NBPF15: variants seen among roughly 807,000 people sequenced by gnomAD.
The protein encoded by NBPF15 is NBPF member 15, also known as NBPF family member NBPF15.
In NBPF15, 74 loss-of-function variants were observed where a neutral mutation model predicts 62.2. The ratio of observed to expected loss-of-function variants is 1.19; its 90% CI spans 0.99 to 1.44. The LOEUF is 1.44. Among genes scored for constraint, NBPF15 ranks in the 40% most tolerant of loss-of-function variants. The pLI, the probability that NBPF15 is intolerant of heterozygous loss-of-function variation, is 0.00. For synonymous variants in NBPF15, 244 were observed against 209.7 expected (o/e 1.16, Z -1.41); for missense variants, 790 against 550.0 (o/e 1.44, Z -4.36).
intron 14 of NBPF15, among the ~76,000 whole-genome samples, chr1:144,428,881 T>C (rs1457752227): frequency 3.3e-5 from 5 of 152,020 alleles, no homozygotes; most frequent in African/African-American, 1.2e-4. Context: ...AATGTTATCT[T>C]CCCTATGTGC....
At chr1:144,433,462 A>C (rs1254970960) in intron 13 of NBPF15, among the ~76,000 whole-genome samples, 23 of 149,224 alleles carry the variant, frequency 1.5e-4, no homozygotes, top group South Asian at 4.3e-4. Context: ...GAGCAGAACT[A>C]AAGGAGATAG....
rs1179806638 is a variant in NBPF15, at chr1:144,425,554, G to T, written c.1453C>A (p.Gln485Lys). ...GGGCCTTGGTCTTCTTCCTCTTCTTGGTCCTTTTTAATTCCTGCAATACAT... is the reference window on the plus strand; with the variant it reads ...GGGCCTTGGTCTTCTTCCTCTTCTTTGTCCTTTTTAATTCCTGCAATACAT... ...ALDVDRIKKD[Q>K]EEEEDQGPPC... is the part of the protein sequence containing the mutation. The change falls in exon 19 of 22, where the codon CAA becomes AAA. Residue 485 changes from glutamine to lysine, a missense_variant. Coordinates refer to ENST00000581897, the MANE Select transcript of NBPF15 (RefSeq NM_001385408.1). The T allele has an allele frequency of 3.1e-5, 17 of 548,700 alleles. No individual in the cohort carries two copies. Among genetic ancestry groups the T allele is most frequent in the Non-Finnish European group, 4.8e-5 (15 of 311,530 alleles). The allele number at this position is 548,700 out of a possible 1,614,324, so 34.0% of individuals were successfully genotyped here. A position where few individuals can be genotyped will look rare whatever the true frequency, so the allele number is the denominator to read the frequency against.
chr1:144,426,572 A>C, intron 17 of NBPF15, 122 bp from the exon 18 acceptor site: 1 of 717,648 alleles, frequency 1.4e-6, no homozygotes, highest in East Asian at 2.7e-5. Context: ...TCCATTAATG[A>C]GGTAATGAAT....
intron 2 of NBPF15, among the ~76,000 whole-genome samples, chr1:144,460,028 T>G (rs1416212646): frequency 2.8e-5 from 2 of 71,160 alleles, no homozygotes; most frequent in East Asian, 6.6e-4. Flanking sequence ...TACCTGTACT[T>G]TTTTTTTTTT....
chr1:144,440,571 G>T, intron 6 of NBPF15: 1 of 232,018 alleles, frequency 4.3e-6, no homozygotes, highest in African/African-American at 2.3e-5. Flanking sequence ...TTTCCCAACA[G>T]GTTATATTTT....
intron 10 of NBPF15, among the ~76,000 whole-genome samples, chr1:144,436,408 A>G (rs1678398627): frequency 2.0e-5 from 3 of 151,790 alleles, no homozygotes; most frequent in Non-Finnish European, 4.4e-5. Context: ...GAGGGCCTTC[A>G]TCTCATTTTG....
At chr1:144,425,101 CACAG>C (rs1668762420) in intron 19 of NBPF15, among the ~76,000 whole-genome samples, 7 of 145,270 alleles carry the variant, frequency 4.8e-5, no homozygotes, top group African/African-American at 1.1e-4. Flanking sequence ...CACACACACA[CACAG>C]ACACACACAC....
At position 144,442,290 on chromosome 1, in the gene NBPF15, TTA is replaced by T. The variant is rs587605412; in HGVS notation, c.-190-1997_-190-1996del. ...ATTAATATATATACACGTGTATATA[TTA>T]TATATATATATACACGTGTATATAT... On this transcript the variant is annotated intron_variant, in intron 6 of 21. Coordinates refer to ENST00000581897, the MANE Select transcript of NBPF15 (RefSeq NM_001385408.1). Among the ~76,000 whole-genome samples, 800 of 120,090 alleles carry T rather than the reference TTA, an allele frequency of 6.7e-3. 13 individuals are homozygous for T. The highest frequency in any genetic ancestry group is 0.035 in the South Asian group (142 of 4,038). The allele number at this position is 120,090 out of a possible 152,430, so 78.8% of individuals were successfully genotyped here.
In NBPF15 at chr1:144,427,115, C is replaced by G; in HGVS notation, c.1214-17G>C. On this transcript the variant is annotated splice_polypyrimidine_tract_variant and intron_variant, in intron 16 of 21. Coordinates refer to ENST00000581897, the MANE Select transcript of NBPF15 (RefSeq NM_001385408.1). The stretch of plus-strand genomic sequence containing the variant: ...TTTCAATTTCTGCAATAAGTTCAGA[C>G]ATGGACAGACATATTAAGCTGGTTC... 1 of 564,544 alleles carries G rather than the reference C, an allele frequency of 1.8e-6. No individual in the cohort carries two copies. Among genetic ancestry groups the G allele is most frequent in the Non-Finnish European group, 3.1e-6 (1 of 323,462 alleles). The allele number at this position is 564,544 out of a possible 1,614,324, so 35.0% of individuals were successfully genotyped here.
intron 6 of NBPF15, among the ~76,000 whole-genome samples, chr1:144,443,293 G>T (rs1342231026): frequency 1.3e-5 from 2 of 151,936 alleles, no homozygotes; most frequent in Non-Finnish European, 2.9e-5. Context: ...GTTTGAATCT[G>T]TATTCTTTTA....
In NBPF15 at chr1:144,422,828, TG is replaced by T. The variant is rs782670083; in HGVS notation, c.*184del. The T allele has an allele frequency of 5.4e-5, 78 of 1,444,848 alleles. No individual in the cohort carries two copies. Among genetic ancestry groups the T allele is most frequent in the Non-Finnish European group, 7.1e-5 (75 of 1,061,436 alleles). 89.5% of individuals were successfully genotyped at this position (1,444,848 alleles called of 1,614,324 possible). ...TTATGTGAACGTGTCACACCTAACA[TG>T]GGTCCATTGTCTTCAGATTGAGCAC... is the stretch of plus-strand genomic sequence containing the variant. On this transcript the variant is annotated 3_prime_UTR_variant, in exon 22 of 22. Coordinates refer to ENST00000581897, the MANE Select transcript of NBPF15 (RefSeq NM_001385408.1).
chr1:144,443,147 T>C (rs1384858785), intron 6 of NBPF15: 2 of 153,544 alleles, frequency 1.3e-5, no homozygotes, highest in East Asian at 1.9e-4. Flanking sequence ...GGGCCAGGGA[T>C]AGATGGACAG....
chr1:144,440,334 A>G lies in NBPF15; in HGVS notation c.-190-39T>C, dbSNP rs1263007033. ...AACAGAATTAGAAGGTGGGGGTGTC[A>G]TGGAATCTTAGGAGCCCTGCATTCC... On this transcript the variant is annotated intron_variant, in intron 6 of 21. Coordinates refer to ENST00000581897, the MANE Select transcript of NBPF15 (RefSeq NM_001385408.1). 5 of 1,203,574 alleles carry G rather than the reference A, an allele frequency of 4.2e-6. No homozygotes were observed. In the East Asian group the frequency reaches 1.0e-4, roughly 25 times the overall value. 74.6% of individuals were successfully genotyped at this position (1,203,574 alleles called of 1,614,324 possible). A position where few individuals can be genotyped will look rare whatever the true frequency, so the allele number is the denominator to read the frequency against.
intron 3 of NBPF15, among the ~76,000 whole-genome samples, chr1:144,457,785 A>C (rs1306668428): frequency 6.6e-6 from 1 of 152,090 alleles, no homozygotes; most frequent in Non-Finnish European, 1.5e-5. Flanking sequence ...TTAGAAAAAC[A>C]TAAAAATTAT....
In NBPF15 at chr1:144,422,720, C is replaced by A. The variant is rs1571098616; in HGVS notation, c.*293G>T. 1.7e-6 allele frequency: 1 copy of A among 588,156 alleles called. No individual in the cohort carries two copies. The highest frequency in any genetic ancestry group is 2.9e-6 in the Non-Finnish European group (1 of 343,200). 36.4% of individuals were successfully genotyped at this position (588,156 alleles called of 1,614,324 possible). On this transcript the variant is annotated 3_prime_UTR_variant, in exon 22 of 22. Coordinates refer to ENST00000581897, the MANE Select transcript of NBPF15 (RefSeq NM_001385408.1). ...CAGAGACATGCCTGCAAAATGAAAT[C>A]CCTGAGGAATTTTGTAGCTACCCAG...
chr1:144,423,318 T>A (rs1571100778), intron 21 of NBPF15, 62 bp from the exon 22 acceptor site: 2 of 1,610,798 alleles, frequency 1.2e-6, no homozygotes, highest in East Asian at 2.2e-5. Context: ...AGAGCCCCAC[T>A]AGATTTCAGA....
rs1372841229 is a variant in NBPF15, at chr1:144,438,527, T to C, written c.176-480A>G. Among the ~76,000 whole-genome samples the C allele has an allele frequency of 2.6e-5, 4 of 152,030 alleles. No individual in the cohort carries two copies. The East Asian group carries it at 5.8e-4, about 22-fold the overall frequency. ...AAATCTTTGATTTTTAAATCATATC[T>C]TCAGTTATGATTTTAAGAATCATAT... On this transcript the variant is annotated intron_variant, in intron 8 of 21. Transcript: ENST00000581897.
At position 144,423,159 on chromosome 1, in the gene NBPF15, C is replaced by T. The variant is rs1439418184; in HGVS notation, c.1867G>A (p.Asp623Asn). Residue 623 changes from aspartate (D) to asparagine (N), a missense_variant, in exon 22 of 22, where the codon GAC becomes AAC. By Grantham distance (23) the Asp-to-Asn change is conservative. Transcript: ENST00000581897. ...STPSMYFEQP[D>N]SFQHYRSVFY... The stretch of plus-strand genomic sequence containing the variant: ...ACACTTCTGTAGTGCTGGAATGAGT[C>T]AGGTTGTTCAAAGTACATTGACGGA... The T allele has an allele frequency of 6.2e-7, 1 of 1,611,564 alleles. No individual in the cohort carries two copies. The highest frequency in any genetic ancestry group is 8.5e-7 in the Non-Finnish European group (1 of 1,179,588).
In NBPF15 at chr1:144,422,932, G is replaced by GA; in HGVS notation, c.*80dup. ...CATCCTATGTCTGGGCTTCCAAATG[G>GA]AACTGTACTTTCATTCAAATCTTCT... is the stretch of plus-strand genomic sequence containing the variant. On this transcript the variant is annotated 3_prime_UTR_variant, in exon 22 of 22. Transcript: ENST00000581897. 1 of 1,611,310 alleles carries GA rather than the reference G, an allele frequency of 6.2e-7. No individual in the cohort carries two copies. Among genetic ancestry groups the GA allele is most frequent in the Non-Finnish European group, 8.5e-7 (1 of 1,179,482 alleles).
Sources: gnomAD v4.1 joint callset for allele counts (sites outside exome capture counted in the v4.1 genomes callset) on GRCh38, gnomAD v4.1.1 for gene constraint, MANE v1.5 for transcripts, NCBI Gene and HGNC (gene_info 2026-07-23, HGNC 2026-07-21) for gene names.